Variants in IARS1 observed in about 807,000 individuals in gnomAD.
The protein encoded by IARS1 is isoleucine--tRNA ligase, cytoplasmic.
A neutral mutation model predicts 168.2 loss-of-function variants in IARS1; 124 were observed. The ratio of observed to expected loss-of-function variants is 0.74; its 90% CI spans 0.64 to 0.86. The LOEUF is 0.86. Among genes scored for constraint, IARS1 ranks in the 40% least tolerant of loss-of-function variants. IARS1 has a pLI of 0.00. For missense variants in IARS1, 1,452 were observed against 1,515.8 expected (o/e 0.96, Z 0.70); for synonymous variants, 532 against 529.4 (o/e 1.00, Z -0.07).
chr9:92,221,946 A>G (rs1214952369), intron 33 of IARS1, among the ~76,000 whole-genome samples: 3 of 152,224 alleles, frequency 2.0e-5, no homozygotes, highest in Non-Finnish European at 4.4e-5. Context: ...TTTACCTAGA[A>G]GCATGTATTT....
intron 9 of IARS1, among the ~76,000 whole-genome samples, chr9:92,275,752 A>T (rs766449405): frequency 6.6e-6 from 1 of 152,232 alleles, no homozygotes; most frequent in Non-Finnish European, 1.5e-5. Flanking sequence ...GCTGCTCCAT[A>T]GGCAGTGTCC....
chr9:92,248,708 A>G (rs1269458790), intron 25 of IARS1, among the ~76,000 whole-genome samples: 2 of 151,756 alleles, frequency 1.3e-5, no homozygotes, highest in Non-Finnish European at 2.9e-5. Context: ...CACAGGTACT[A>G]ATGTCAGAAT....
Position 92,245,086 on chromosome 9 carries a change from C to T in IARS1, c.2792-15G>A. 1 of 1,603,186 alleles carries T rather than the reference C, an allele frequency of 6.2e-7. No homozygotes were observed. The highest frequency in any genetic ancestry group is 1.1e-5 in the South Asian group (1 of 90,878). ...AACAATGGTCCCTATGGAGAAGCAG[C>T]TACACTGTTAATCAGCTTCCCCTCC... On this transcript the variant is annotated splice_polypyrimidine_tract_variant and intron_variant, in intron 26 of 33. Transcript: ENST00000443024.
intron 19 of IARS1, 47 bp downstream of exon 19, chr9:92,258,807 G>A (rs1564175383): frequency 2.6e-6 from 4 of 1,534,248 alleles, no homozygotes; most frequent in South Asian, 2.6e-5. Flanking sequence ...TGAAGGGAGC[G>A]CTGTGGAGAC....
intron 33 of IARS1, among the ~76,000 whole-genome samples, chr9:92,218,992 G>A (rs1440173864): frequency 6.6e-6 from 1 of 152,142 alleles, no homozygotes; most frequent in Non-Finnish European, 1.5e-5. Context: ...GAACAAGGCT[G>A]GAGGCATCAC....
intron 18 of IARS1, 62 bp downstream of exon 18, chr9:92,260,089 G>A: frequency 9.3e-7 from 1 of 1,073,768 alleles, no homozygotes. Context: ...CTGATTAATA[G>A]TATAGGAGAT....
Position 92,239,109 on chromosome 9 carries a change from T to C in IARS1, c.3283+1747A>G, listed in dbSNP as rs77588307. The stretch of plus-strand genomic sequence containing the variant: ...GACCCATGAGAGTAATGAAAGTCTA[T>C]TGAATTACCCTCCATTTTGATTTTC... On this transcript the variant is annotated intron_variant, in intron 30 of 33. Coordinates refer to ENST00000443024, the MANE Select transcript of IARS1 (RefSeq NM_002161.6). Among the ~76,000 whole-genome samples, 89 of 152,314 alleles carry C rather than the reference T, an allele frequency of 5.8e-4. 2 individuals are homozygous for C. The East Asian group carries it at 0.015, about 26-fold the overall frequency.
chr9:92,283,291 T>C (rs940075123), intron 6 of IARS1, among the ~76,000 whole-genome samples: 4 of 152,176 alleles, frequency 2.6e-5, no homozygotes. Context: ...GCCTAAAATA[T>C]TTAATTTGCA....
At chr9:92,255,702 G>A (rs1245148780) in intron 20 of IARS1, among the ~76,000 whole-genome samples, 1 of 152,022 alleles carries the variant, frequency 6.6e-6, no homozygotes, top group African/African-American at 2.4e-5. Flanking sequence ...CCTATCATCT[G>A]CCAGCTACTT....
chr9:92,270,035 C>T (rs377013418), intron 12 of IARS1, 52 bp from the exon 13 acceptor site: 1 of 1,131,042 alleles, frequency 8.8e-7, no homozygotes, highest in Non-Finnish European at 1.3e-6. Context: ...CTAGTAGGCA[C>T]TACGGTAAGA....
At chr9:92,238,652 A>C (rs920800079) in intron 30 of IARS1, among the ~76,000 whole-genome samples, 4 of 152,176 alleles carry the variant, frequency 2.6e-5, no homozygotes, top group Non-Finnish European at 5.9e-5. Flanking sequence ...ATGGACTAAT[A>C]CAGTTACTTA....
rs1828521208 is a variant in IARS1, at chr9:92,242,163, T to C, written c.3168A>G (p.Glu1056=). Residue 1056 remains glutamate, a synonymous_variant, in exon 29 of 34, where the codon GAA becomes GAG. Coordinates refer to ENST00000443024, the MANE Select transcript of IARS1 (RefSeq NM_002161.6). The part of the protein sequence containing the change: ...VSPSDKVLIQ[E]KTQLKGSELE... The stretch of plus-strand genomic sequence containing the variant: ...GGAACTCAGGACTCACCTGTGTTTT[T>C]TCTTGAATAAGGACTTTATCCGATG... The C allele has an allele frequency of 6.2e-7, 1 of 1,613,400 alleles. No individual in the cohort carries two copies.
intron 31 of IARS1, among the ~76,000 whole-genome samples, chr9:92,226,402 G>C (rs1199023726): frequency 6.6e-6 from 1 of 152,096 alleles, no homozygotes; most frequent in East Asian, 1.9e-4. Context: ...GCAAGTTCCT[G>C]ATTACCATTA....
chr9:92,277,674 TAA>T lies in IARS1; in HGVS notation c.894+187_894+188del, dbSNP rs34636470. Among the ~76,000 whole-genome samples, 853 of 143,532 alleles carry T rather than the reference TAA, an allele frequency of 5.9e-3. 4 individuals are homozygous for T. Among genetic ancestry groups the T allele is most frequent in the African/African-American group, 0.017 (650 of 39,204 alleles). The allele number at this position is 143,532 out of a possible 152,430, so 94.2% of individuals were successfully genotyped here. A position where few individuals can be genotyped will look rare whatever the true frequency, so the allele number is the denominator to read the frequency against. ...TGGGGGACAGAGGAAACCCTGTTTT[TAA>T]AAAAAAAAAAAAAAATCCTCTAAGA... On this transcript the variant is annotated intron_variant, in intron 9 of 33. Transcript: ENST00000443024.
At chr9:92,217,699 A>G (rs1314350737) in intron 33 of IARS1, among the ~76,000 whole-genome samples, 1 of 152,186 alleles carries the variant, frequency 6.6e-6, no homozygotes, top group Non-Finnish European at 1.5e-5. Flanking sequence ...TCCTCGACAC[A>G]TACATTCTCC....
At chr9:92,238,468 T>A (rs867438367) in intron 30 of IARS1, among the ~76,000 whole-genome samples, 5 of 152,178 alleles carry the variant, frequency 3.3e-5, no homozygotes, top group Non-Finnish European at 7.3e-5. Context: ...CTCTTCATCA[T>A]GTGATACACT....
rs1357676211 is a variant in IARS1, at chr9:92,210,428, T to C, written c.*379A>G. 1.3e-5 allele frequency: 2 copies of C among 157,370 alleles called. No homozygotes were observed. Among genetic ancestry groups the C allele is most frequent in the Admixed American group, 1.3e-4 (2 of 15,544 alleles). 9.7% of individuals were successfully genotyped at this position (157,370 alleles called of 1,614,324 possible). A position where few individuals can be genotyped will look rare whatever the true frequency, so the allele number is the denominator to read the frequency against. ...CAGGAAAATCCAGGTGGCAGAAATA[T>C]ATAATATGTCCATTTCATCAAGAGG... is the stretch of plus-strand genomic sequence containing the variant. On this transcript the variant is annotated 3_prime_UTR_variant, in exon 34 of 34. Transcript: ENST00000443024.
chr9:92,272,878 A>C lies in IARS1; in HGVS notation c.991-1223T>G, dbSNP rs76499666. Among the ~76,000 whole-genome samples, 81 of 150,766 alleles carry C rather than the reference A, an allele frequency of 5.4e-4. No homozygotes were observed. In the East Asian group the frequency reaches 0.012, roughly 22 times the overall value. ...ACAAAACAAAACAAAAAAAAAAAAA[A>C]AAAAAAAAATTTACCAAATGGTGTT... On this transcript the variant is annotated intron_variant, in intron 10 of 33. Coordinates refer to ENST00000443024, the MANE Select transcript of IARS1 (RefSeq NM_002161.6).
At chr9:92,245,242 A>T (rs1587777231) in intron 26 of IARS1, 171 bp from the exon 27 acceptor site, 2 of 600,166 alleles carry the variant, frequency 3.3e-6, no homozygotes, top group East Asian at 5.6e-5. Flanking sequence ...GACATGACAA[A>T]CTTTCTTTAG....
Sources: gnomAD v4.1 joint callset for allele counts (sites outside exome capture counted in the v4.1 genomes callset) on GRCh38, gnomAD v4.1.1 for gene constraint, MANE v1.5 for transcripts, NCBI Gene and HGNC (gene_info 2026-07-23, HGNC 2026-07-21) for gene names.